Variants in TNKS2 observed in about 807,000 individuals in gnomAD.
TNKS2 encodes poly [ADP-ribose] polymerase tankyrase-2.
In TNKS2, 72 loss-of-function variants were observed where a neutral mutation model predicts 137.6. That is an observed-to-expected ratio of 0.52 (90% CI 0.43 to 0.64). The LOEUF is 0.64. TNKS2 is among the 30% of genes least tolerant of loss of function. The probability of loss-of-function intolerance (pLI) is 0.00; values close to 1 mark genes in which losing one functional copy is unlikely to be tolerated. For missense variants in TNKS2, 1,049 were observed against 1,410.2 expected, an observed-to-expected ratio of 0.74 and a Z score of 4.10; for synonymous variants, 516 against 512.1, an observed-to-expected ratio of 1.01 and a Z score of -0.10.
rs896509865 is a variant in TNKS2 at position 91,828,359 on chromosome 10, C to T, written c.1057C>T (p.Leu353=). 4 of 1,608,922 alleles carry T rather than the reference C, an allele frequency of 2.5e-6. No individual in the cohort carries two copies. The highest frequency in any genetic ancestry group is 2.2e-5 in the South Asian group (2 of 89,952). Reference sequence around the variant, plus strand: ...TACTCGAATCAAAAAACATCTCTCTCTGGAAATGGTGAATTTCAAGCATCC... The same window carrying T: ...TACTCGAATCAAAAAACATCTCTCTTTGGAAATGGTGAATTTCAAGCATCC... ...DVTRIKKHLS[L]EMVNFKHPQT... The change falls in exon 9 of 27, where the codon CTG becomes TTG. Residue 353 remains leucine (L), a synonymous_variant. Transcript: ENST00000371627.
At chr10:91,842,549 G>T (rs1415168081) in intron 16 of TNKS2, among the ~76,000 whole-genome samples, 158 bp downstream of exon 16, 1 of 152,112 alleles carries the variant, frequency 6.6e-6, no homozygotes, top group African/African-American at 2.4e-5. Context: ...TAAGGCAGGA[G>T]GATTGCTTGA....
In TNKS2 at chr10:91,837,003, G is replaced by C. The variant is rs1289733033; in HGVS notation, c.1527+5G>C. 1 of 1,612,142 alleles carries C rather than the reference G, an allele frequency of 6.2e-7. No individual in the cohort carries two copies. Among genetic ancestry groups the C allele is most frequent in the Non-Finnish European group, 8.5e-7 (1 of 1,179,122 alleles). ...GGAGATGTCGAAACTGTAAAAGTAA[G>C]ATACAGTGTTACGTTTCTGTTAACT... On this transcript the variant is annotated splice_donor_5th_base_variant and intron_variant, in intron 13 of 26. Coordinates refer to ENST00000371627, the MANE Select transcript of TNKS2 (RefSeq NM_025235.4).
chr10:91,812,776 C>T, intron 1 of TNKS2: 2 of 985,332 alleles, frequency 2.0e-6, no homozygotes, highest in Non-Finnish European at 2.4e-6. Context: ...TGCTTAGGTA[C>T]CACTGCTGCT....
At position 91,812,514 on chromosome 10, in the gene TNKS2, TGTA is replaced by T. The variant is rs762601010; in HGVS notation, c.200-466_200-464del. On this transcript the variant is annotated intron_variant, in intron 1 of 26. Transcript: ENST00000371627. ...GAGCAGATCTTTTTTTGTTGCTTCT[TGTA>T]GTCCCCCAGTTTAGCAGAAACATTC... is the stretch of plus-strand genomic sequence containing the variant. Among the ~76,000 whole-genome samples the T allele has an allele frequency of 1.1e-4, 16 of 152,352 alleles. No homozygotes were observed. In the East Asian group the frequency reaches 3.1e-3, roughly 29 times the overall value.
chr10:91,840,645 A>G lies in TNKS2; in HGVS notation c.1612A>G (p.Arg538Gly). The part of the protein sequence containing the change: ...TPLHFAAGYN[R>G]VSVVEYLLQH... ...ACTTCATTTTGCAGCTGGGTATAAC[A>G]GAGTGTCCGTGGTGGAATATCTGCT... The change falls in exon 14 of 27, where the codon AGA (arginine) becomes GGA (glycine). Residue 538 changes from arginine to glycine, a missense_variant. By Grantham distance (125) the Arg-to-Gly change is moderately radical (BLOSUM62 -2). Transcript: ENST00000371627. 2 of 1,614,178 alleles carry G rather than the reference A, an allele frequency of 1.2e-6. No homozygotes were observed. Among genetic ancestry groups the G allele is most frequent in the Non-Finnish European group, 1.7e-6 (2 of 1,180,024 alleles).
chr10:91,849,416 C>T, intron 19 of TNKS2, 96 bp from the exon 20 acceptor site: 1 of 868,378 alleles, frequency 1.2e-6, no homozygotes, highest in Non-Finnish European at 1.7e-6. Context: ...TTATTTTCTT[C>T]ATATATAGTA....
intron 20 of TNKS2, among the ~76,000 whole-genome samples, chr10:91,850,680 T>C (rs969360798): frequency 5.3e-5 from 8 of 151,642 alleles, no homozygotes; most frequent in Non-Finnish European, 1.0e-4. Context: ...GATTGCACTT[T>C]TGCACTCCAG....
chr10:91,798,783 G>T lies in TNKS2; in HGVS notation c.93G>T (p.Ala31=), dbSNP rs1236330386. Residue 31 remains alanine (A), a synonymous_variant, in exon 1 of 27, where the codon GCG becomes GCT. Coordinates refer to ENST00000371627, the MANE Select transcript of TNKS2 (RefSeq NM_025235.4). Reference sequence around the variant, plus strand: ...CGGCCGCCCGAGAGCTGTTCGAGGCGTGCCGCAACGGGGACGTGGAACGAG... The same window carrying T: ...CGGCCGCCCGAGAGCTGTTCGAGGCTTGCCGCAACGGGGACGTGGAACGAG... ...VEPAARELFE[A]CRNGDVERVK... 1.5e-6 allele frequency: 2 copies of T among 1,295,244 alleles called. No homozygotes were observed. Among genetic ancestry groups the T allele is most frequent in the African/African-American group, 1.5e-5 (1 of 65,166 alleles). The allele number at this position is 1,295,244 out of a possible 1,614,324, so 80.2% of individuals were successfully genotyped here. A position where few individuals can be genotyped will look rare whatever the true frequency, so the allele number is the denominator to read the frequency against.
At chr10:91,814,386 A>T (rs900689014) in intron 2 of TNKS2, among the ~76,000 whole-genome samples, 6 of 152,228 alleles carry the variant, frequency 3.9e-5, no homozygotes, top group African/African-American at 1.4e-4. Context: ...TTAAAAATTT[A>T]AAAATTTCTA....
chr10:91,838,257 A>G (rs1354358334), intron 13 of TNKS2, among the ~76,000 whole-genome samples: 1 of 152,030 alleles, frequency 6.6e-6, no homozygotes, highest in East Asian at 1.9e-4. Flanking sequence ...TAGGGAACAC[A>G]GTAATGCCAT....
In TNKS2 at chr10:91,842,313, G is replaced by A. The variant is rs985364873; in HGVS notation, c.1981G>A (p.Val661Met). The stretch of plus-strand genomic sequence containing the variant: ...TGCCAAGAAGGGTTGTTTAGCCAGA[G>A]TGAAGAAGTTGTCTTCTCCTGATAA... Reference protein sequence around the residue: ...DAAKKGCLARVKKLSSPDNVN... With the variant: ...DAAKKGCLARMKKLSSPDNVN... The change falls in exon 16 of 27, where the codon GTG becomes ATG. Residue 661 changes from valine to methionine, a missense_variant. Physicochemically the swap from Val to Met is conservative, Grantham distance 21 (BLOSUM62 1). This residue lies in a region of TNKS2 where 328 missense variants were observed against 436.0 expected (regional missense o/e 0.75). Coordinates refer to ENST00000371627, the MANE Select transcript of TNKS2 (RefSeq NM_025235.4). The A allele has an allele frequency of 2.5e-6, 4 of 1,614,168 alleles. No homozygotes were observed. The highest frequency in any genetic ancestry group is 3.4e-6 in the Non-Finnish European group (4 of 1,180,000).
chr10:91,823,350 C>T (rs1242287082), intron 7 of TNKS2, among the ~76,000 whole-genome samples: 4 of 43,016 alleles, frequency 9.3e-5, no homozygotes, highest in South Asian at 9.4e-4. Flanking sequence ...TTTTTTGAGA[C>T]GGAGTCTCGC....
intron 21 of TNKS2, among the ~76,000 whole-genome samples, chr10:91,854,446 A>G (rs1333508839): frequency 6.6e-6 from 1 of 152,200 alleles, no homozygotes; most frequent in Non-Finnish European, 1.5e-5. Context: ...TGGGGAAACT[A>G]GTGAAAAAAT....
At chr10:91,816,095 C>A (rs2133606291) in intron 2 of TNKS2, among the ~76,000 whole-genome samples, 1 of 151,948 alleles carries the variant, frequency 6.6e-6, no homozygotes, top group African/African-American at 2.4e-5. Flanking sequence ...ACTACAGGCG[C>A]CCGCCACCAT....
At chr10:91,843,532 C>T (rs1165649177) in intron 16 of TNKS2, among the ~76,000 whole-genome samples, 2 of 152,178 alleles carry the variant, frequency 1.3e-5, no homozygotes, top group Non-Finnish European at 2.9e-5. Flanking sequence ...CAATTCATTT[C>T]GTGACATTTG....
chr10:91,823,588 A>G (rs1296967789), intron 7 of TNKS2, among the ~76,000 whole-genome samples: 2 of 151,996 alleles, frequency 1.3e-5, no homozygotes, highest in Admixed American at 6.6e-5. Flanking sequence ...CAGCCTCCCA[A>G]AGTGCTGAGA....
intron 7 of TNKS2, among the ~76,000 whole-genome samples, chr10:91,825,067 CGGTTT>C (rs201968875): frequency 8.6e-5 from 13 of 151,988 alleles, no homozygotes; most frequent in Admixed American, 3.9e-4. Flanking sequence ...TTTAGGCTCT[CGGTTT>C]GGTTTGGTTT....
rs138273949 is a variant in TNKS2, at chr10:91,798,463, G to A, written c.-228G>A. 341 of 342,280 alleles carry A rather than the reference G, an allele frequency of 1.0e-3. 6 individuals carry two copies. In the East Asian group the frequency reaches 0.018, roughly 18 times the overall value. The allele number at this position is 342,280 out of a possible 1,614,324, so 21.2% of individuals were successfully genotyped here. A position where few individuals can be genotyped will look rare whatever the true frequency, so the allele number is the denominator to read the frequency against. ...CGCGTCGTTTCAGGACCCGGACGGC[G>A]GATTCGCGCTGCCTCCGCCGCCGCG... On this transcript the variant is annotated 5_prime_UTR_variant, in exon 1 of 27. Transcript: ENST00000371627.
chr10:91,823,353 A>T (rs1329582799), intron 7 of TNKS2, among the ~76,000 whole-genome samples: 2 of 59,858 alleles, frequency 3.3e-5, no homozygotes. Context: ...TTTGAGACGG[A>T]GTCTCGCTCT....
Sources: allele counts gnomAD v4.1 joint callset (sites outside exome capture counted in the v4.1 genomes callset), GRCh38; gene constraint gnomAD v4.1.1; regional missense constraint gnomAD v4.1.1; transcripts MANE v1.5; gene names NCBI Gene and HGNC (gene_info 2026-07-23, HGNC 2026-07-21).